ROBO2: variants seen among roughly 807,000 people sequenced by gnomAD.
ROBO2 encodes roundabout homolog 2.
ROBO2 carries 53 observed loss-of-function variants against 160.8 expected under a neutral mutation model. The ratio of observed to expected loss-of-function variants is 0.33; its 90% CI spans 0.26 to 0.41. The LOEUF (loss-of-function observed/expected upper bound fraction) is 0.41, where lower values mean the gene tolerates loss of function less well. Among genes scored for constraint, ROBO2 ranks in the 10% least tolerant of loss-of-function variants. ROBO2 has a pLI of 1.00. For missense variants in ROBO2, 1,577 were observed against 1,722.4 expected (o/e 0.92, Z 1.49); for synonymous variants, 664 against 611.7 (o/e 1.09, Z -1.26).
chr3:77,440,166 C>G (rs1413252866), intron 2 of ROBO2, among the ~76,000 whole-genome samples: 1 of 152,092 alleles, frequency 6.6e-6, no homozygotes, highest in South Asian at 2.1e-4. Flanking sequence ...GTAAGATGAC[C>G]ATTACTATTC....
At chr3:76,219,448 G>A (rs1285290031) in intron 2 of ROBO2, among the ~76,000 whole-genome samples, 1 of 152,118 alleles carries the variant, frequency 6.6e-6, no homozygotes, top group Non-Finnish European at 1.5e-5. Flanking sequence ...CTAATATCCA[G>A]AATCTACAAT....
At chr3:76,422,505 T>A (rs2076036935) in intron 2 of ROBO2, among the ~76,000 whole-genome samples, 1 of 152,178 alleles carries the variant, frequency 6.6e-6, no homozygotes, top group South Asian at 2.1e-4. Context: ...AAAAACTACT[T>A]GCGTGTTTGA....
At chr3:76,060,692 T>C (rs1164959055) in intron 2 of ROBO2, among the ~76,000 whole-genome samples, 3 of 152,210 alleles carry the variant, frequency 2.0e-5, no homozygotes, top group African/African-American at 7.2e-5. Flanking sequence ...CCAAGGTTTT[T>C]GCTTAAGGTG....
At chr3:77,597,392 C>T (rs2094331850) in intron 19 of ROBO2, among the ~76,000 whole-genome samples, 1 of 152,146 alleles carries the variant, frequency 6.6e-6, no homozygotes, top group African/African-American at 2.4e-5. Flanking sequence ...AGTCCTCTCC[C>T]TGTGGGTTTG....
chr3:76,031,174 T>C (rs559942558), intron 2 of ROBO2, among the ~76,000 whole-genome samples: 2 of 152,296 alleles, frequency 1.3e-5, no homozygotes, highest in African/African-American at 4.8e-5. Flanking sequence ...TGTTTGTTAT[T>C]GGTGTATAGG....
Position 76,986,641 on chromosome 3 carries a change from T to C in ROBO2, c.110-111373T>C, listed in dbSNP as rs1317663836. Among the ~76,000 whole-genome samples, 5 of 152,238 alleles carry C rather than the reference T, an allele frequency of 3.3e-5. No individual in the cohort carries two copies. The South Asian group carries it at 1.0e-3, about 32-fold the overall frequency. ...AAATATTATAAAATTAATCTGTACA[T>C]GTGCAAAAATAGTAATTATTGCCAA... is the stretch of plus-strand genomic sequence containing the variant. On this transcript the variant is annotated intron_variant, in intron 2 of 26. Transcript: ENST00000487694.
At chr3:76,004,559 T>C (rs185362012) in intron 2 of ROBO2, among the ~76,000 whole-genome samples, 40 of 152,322 alleles carry the variant, frequency 2.6e-4, no homozygotes, top group African/African-American at 9.4e-4. Flanking sequence ...ACTCACTTCC[T>C]GATTCAGAGG....
chr3:76,789,138 G>T (rs754499905), intron 2 of ROBO2, among the ~76,000 whole-genome samples: 6 of 151,512 alleles, frequency 4.0e-5, no homozygotes, highest in Non-Finnish European at 8.9e-5. Flanking sequence ...AGTTTGCTTA[G>T]AGTCAAAAGG....
chr3:76,492,899 A>G (rs952638553), intron 2 of ROBO2, among the ~76,000 whole-genome samples: 1 of 152,200 alleles, frequency 6.6e-6, no homozygotes, highest in Non-Finnish European at 1.5e-5. Flanking sequence ...ATAATTGGAT[A>G]TAATCATGTA....
At chr3:77,225,737 A>C (rs940265658) in intron 2 of ROBO2, among the ~76,000 whole-genome samples, 3 of 152,046 alleles carry the variant, frequency 2.0e-5, no homozygotes, top group Admixed American at 6.6e-5. Flanking sequence ...TATTAAATAC[A>C]CTTAATAGTG....
intron 2 of ROBO2, among the ~76,000 whole-genome samples, chr3:76,734,850 A>C (rs1374356038): frequency 6.6e-6 from 1 of 152,230 alleles, no homozygotes; most frequent in Admixed American, 6.5e-5. Flanking sequence ...GTTTAAAATA[A>C]ACTCTTGATT....
intron 2 of ROBO2, among the ~76,000 whole-genome samples, chr3:76,099,625 A>G (rs147469620): frequency 2.7e-4 from 41 of 152,314 alleles, no homozygotes; most frequent in African/African-American, 9.4e-4. Flanking sequence ...CATAAACTCT[A>G]CATTATAGAA....
intron 2 of ROBO2, among the ~76,000 whole-genome samples, chr3:76,654,747 C>A (rs758440777): frequency 4.0e-5 from 6 of 151,580 alleles, no homozygotes; most frequent in Non-Finnish European, 8.8e-5. Context: ...AGAGAATTAC[C>A]AGAGATCTAT....
intron 17 of ROBO2, among the ~76,000 whole-genome samples, chr3:77,594,143 G>C (rs150924465): frequency 5.9e-5 from 9 of 152,272 alleles, no homozygotes; most frequent in African/African-American, 2.2e-4. Flanking sequence ...CCAAACTAAT[G>C]TGAAGCTACT....
At chr3:76,119,863 C>G (rs1041768962) in intron 2 of ROBO2, among the ~76,000 whole-genome samples, 1 of 147,038 alleles carries the variant, frequency 6.8e-6, no homozygotes, top group Non-Finnish European at 1.5e-5. Flanking sequence ...TCTCTCTCTC[C>G]CTCCCCTTCC....
chr3:77,024,240 T>C (rs1457411710), intron 2 of ROBO2, among the ~76,000 whole-genome samples: 1 of 152,144 alleles, frequency 6.6e-6, no homozygotes, highest in Non-Finnish European at 1.5e-5. Context: ...GCTTCAAAAA[T>C]GTTTAGAGGG....
At chr3:76,522,136 C>T (rs1469951616) in intron 2 of ROBO2, among the ~76,000 whole-genome samples, 2 of 152,050 alleles carry the variant, frequency 1.3e-5, no homozygotes, top group South Asian at 2.1e-4. Context: ...AATGTTTTTC[C>T]CTCTGTATCC....
rs1172364788 is a variant in ROBO2 at position 76,002,166 on chromosome 3, AC to A, written c.109+64566del. 1.4e-4 allele frequency among the ~76,000 whole-genome samples: 22 copies of A among 152,296 alleles called. No individual in the cohort carries two copies. The East Asian group carries it at 4.1e-3, about 28-fold the overall frequency. On this transcript the variant is annotated intron_variant, in intron 2 of 26. Coordinates refer to the ROBO2 transcript ENST00000487694. ...TATGGAAATACAGCCTTTGCAGATG[AC>A]CAAGTTAGGATGAGGCTGTTAGGAT...
chr3:76,339,234 A>G (rs2074070337), intron 2 of ROBO2, among the ~76,000 whole-genome samples: 1 of 152,154 alleles, frequency 6.6e-6, no homozygotes, highest in South Asian at 2.1e-4. Context: ...TGAAGAGTAA[A>G]CACTGATGCA....
Sources: allele counts gnomAD v4.1 joint callset (sites outside exome capture counted in the v4.1 genomes callset), GRCh38; gene constraint gnomAD v4.1.1; transcripts MANE v1.5; gene names NCBI Gene and HGNC (gene_info 2026-07-23, HGNC 2026-07-21).